YWHAE: variants seen among roughly 807,000 people sequenced by gnomAD.
YWHAE encodes the protein tyrosine 3-monooxygenase/tryptophan 5-monooxygenase activation protein epsilon.
YWHAE carries 4 observed loss-of-function variants against 30.1 expected under a neutral mutation model. The observed-to-expected ratio is 0.13, with a 90% confidence interval of 0.07 to 0.30. YWHAE has a LOEUF of 0.30. Among genes scored for constraint, YWHAE ranks in the 10% least tolerant of loss-of-function variants. The probability of loss-of-function intolerance (pLI) is 1.00; values close to 1 mark genes in which losing one functional copy is unlikely to be tolerated. For synonymous variants in YWHAE, 118 were observed against 111.8 expected (o/e 1.06, Z -0.35); for missense variants, 121 against 315.9 (o/e 0.38, Z 4.68).
intron 5 of YWHAE, among the ~76,000 whole-genome samples, chr17:1,347,398 G>A (rs909168782): frequency 4.0e-5 from 6 of 151,728 alleles, no homozygotes; most frequent in East Asian, 1.9e-4. Flanking sequence ...TACTTGGGGG[G>A]CTGAGGTGGG....
intron 1 of YWHAE, among the ~76,000 whole-genome samples, chr17:1,381,672 T>C (rs2073209678): frequency 6.6e-6 from 1 of 151,768 alleles, no homozygotes. Context: ...TCCCAGCACT[T>C]TGGGAGGCCA....
chr17:1,371,094 G>A (rs2073036304), intron 1 of YWHAE, among the ~76,000 whole-genome samples: 1 of 151,824 alleles, frequency 6.6e-6, no homozygotes, highest in Non-Finnish European at 1.5e-5. Context: ...GGTAGTGTGT[G>A]TGTGTTTTGA....
intron 2 of YWHAE, among the ~76,000 whole-genome samples, chr17:1,364,519 C>T (rs2072914671): frequency 6.6e-6 from 1 of 152,182 alleles, no homozygotes; most frequent in East Asian, 1.9e-4. Flanking sequence ...AGCCACCGCG[C>T]CTGGCCAACC....
intron 1 of YWHAE, among the ~76,000 whole-genome samples, chr17:1,386,625 C>T (rs1171119036): frequency 6.6e-6 from 1 of 152,114 alleles, no homozygotes; most frequent in African/African-American, 2.4e-5. Flanking sequence ...CATATACCAG[C>T]CTATACAGAG....
intron 1 of YWHAE, among the ~76,000 whole-genome samples, chr17:1,398,061 T>G (rs966983509): frequency 8.5e-5 from 13 of 152,176 alleles, no homozygotes; most frequent in African/African-American, 3.1e-4. Context: ...TCAAATCAGT[T>G]TTTTAAAGGA....
chr17:1,361,856 G>C, intron 3 of YWHAE, 46 bp downstream of exon 3: 2 of 1,339,264 alleles, frequency 1.5e-6, no homozygotes, highest in Non-Finnish European at 2.1e-6. Flanking sequence ...GGTTCTAAAA[G>C]GACCAACTTT....
intron 1 of YWHAE, among the ~76,000 whole-genome samples, chr17:1,387,739 C>G (rs2073320312): frequency 6.6e-6 from 1 of 151,946 alleles, no homozygotes; most frequent in South Asian, 2.1e-4. Context: ...TCTGCTGCCT[C>G]AGCCTCCCGA....
At chr17:1,367,363 G>A (rs911878066) in intron 1 of YWHAE, among the ~76,000 whole-genome samples, 1 of 152,172 alleles carries the variant, frequency 6.6e-6, no homozygotes, top group Non-Finnish European at 1.5e-5. Context: ...AGCATTTGGG[G>A]AGGCCAAGAC....
At chr17:1,393,783 T>A (rs986922908) in intron 1 of YWHAE, among the ~76,000 whole-genome samples, 1 of 152,102 alleles carries the variant, frequency 6.6e-6, no homozygotes, top group Admixed American at 6.6e-5. Context: ...AGAGGTGACA[T>A]CTGCCTACAA....
intron 4 of YWHAE, 93 bp downstream of exon 4, chr17:1,360,999 T>C: frequency 8.3e-7 from 1 of 1,211,858 alleles, no homozygotes; most frequent in Non-Finnish European, 1.2e-6. Context: ...CAGCCAAGTC[T>C]ACAAAGACAG....
intron 1 of YWHAE, among the ~76,000 whole-genome samples, chr17:1,371,107 CAG>C (rs201988140): frequency 0.015 from 2,302 of 152,096 alleles, 51 homozygotes; most frequent in African/African-American, 0.053. Flanking sequence ...TGTTTTGAAA[CAG>C]AGTCACACTC....
intron 2 of YWHAE, chr17:1,364,629 G>T (rs1212841116): frequency 1.8e-6 from 1 of 566,764 alleles, no homozygotes; most frequent in African/African-American, 1.9e-5. Flanking sequence ...TGGATGTGAT[G>T]AAACCATGGA....
In YWHAE at chr17:1,365,020, C is replaced by T; in HGVS notation, c.103G>A (p.Val35Met). ...TTTCTTTCTTCAACTGTCAGCTCCACATCCATCCCTGCTACTTTCTTCATT... is the reference window on the plus strand; with the variant it reads ...TTTCTTTCTTCAACTGTCAGCTCCATATCCATCCCTGCTACTTTCTTCATT... Reference protein sequence around the residue: ...ESMKKVAGMDVELTVEERNLL... With the variant: ...ESMKKVAGMDMELTVEERNLL... Residue 35 changes from valine (V) to methionine (M), a missense_variant, in exon 2 of 6, where the codon GTG becomes ATG. Val to Met is a conservative substitution (Grantham distance 21, BLOSUM62 1). Transcript: ENST00000264335. 1.2e-6 allele frequency: 2 copies of T among 1,614,144 alleles called. No individual in the cohort carries two copies. Among genetic ancestry groups the T allele is most frequent in the African/African-American group, 1.3e-5 (1 of 75,054 alleles).
chr17:1,353,796 T>C (rs1306147602), intron 5 of YWHAE, among the ~76,000 whole-genome samples: 1 of 149,904 alleles, frequency 6.7e-6, no homozygotes, highest in Non-Finnish European at 1.5e-5. Flanking sequence ...AGGGCCAACA[T>C]TCAATTTCTC....
chr17:1,352,878 G>A (rs1457119239), intron 5 of YWHAE, among the ~76,000 whole-genome samples: 1 of 152,050 alleles, frequency 6.6e-6, no homozygotes, highest in African/African-American at 2.4e-5. Context: ...ATCAGACTTT[G>A]TTTACAACCT....
chr17:1,383,811 C>T (rs1016553607), intron 1 of YWHAE, among the ~76,000 whole-genome samples: 6 of 152,094 alleles, frequency 3.9e-5, no homozygotes, highest in Non-Finnish European at 5.9e-5. Flanking sequence ...CCGCAATCTC[C>T]GCACTTTGGG....
intron 1 of YWHAE, among the ~76,000 whole-genome samples, chr17:1,369,262 G>A (rs892377848): frequency 6.6e-6 from 1 of 152,106 alleles, no homozygotes; most frequent in South Asian, 2.1e-4. Flanking sequence ...TTGGGAGGCC[G>A]AGGTGGGTGG....
Position 1,376,052 on chromosome 17 carries a change from A to C in YWHAE, c.65-10994T>G, listed in dbSNP as rs76167986. Among the ~76,000 whole-genome samples the C allele has an allele frequency of 5.0e-3, 758 of 152,356 alleles. 7 individuals are homozygous for C. Among genetic ancestry groups the C allele is most frequent in the African/African-American group, 0.017 (715 of 41,576 alleles). On this transcript the variant is annotated intron_variant, in intron 1 of 5. Coordinates refer to ENST00000264335, the MANE Select transcript of YWHAE (RefSeq NM_006761.5). ...TTATCCCATTTTAGAATATCTCCAT[A>C]TACTGAAGAACACGAAGGTTAAACT... is the stretch of plus-strand genomic sequence containing the variant.
intron 5 of YWHAE, among the ~76,000 whole-genome samples, chr17:1,347,354 G>A (rs992261857): frequency 1.3e-5 from 2 of 150,534 alleles, no homozygotes; most frequent in Non-Finnish European, 3.0e-5. Flanking sequence ...AACTACATAC[G>A]CTGGGCATGG....
Sources: gnomAD v4.1 joint callset for allele counts (sites outside exome capture counted in the v4.1 genomes callset) on GRCh38, gnomAD v4.1.1 for gene constraint, MANE v1.5 for transcripts, NCBI Gene and HGNC (gene_info 2026-07-23, HGNC 2026-07-21) for gene names.